BCR: variants seen among roughly 807,000 people sequenced by gnomAD.
BCR encodes breakpoint cluster region protein.
A neutral mutation model predicts 138.6 loss-of-function variants in BCR; 58 were observed. That is an observed-to-expected ratio of 0.42 (90% confidence interval 0.34 to 0.52). The LOEUF (loss-of-function observed/expected upper bound fraction) is 0.52, where lower values mean the gene tolerates loss of function less well. Among genes scored for constraint, BCR ranks in the 20% least tolerant of loss-of-function variants. The pLI is 0.06. For synonymous variants in BCR, 786 were observed against 730.1 expected, an observed-to-expected ratio of 1.08 and a Z score of -1.23; for missense variants, 1,599 against 1,727.2, an observed-to-expected ratio of 0.93 and a Z score of 1.32.
At chr22:23,246,765 G>A (rs1373192076) in intron 1 of BCR, among the ~76,000 whole-genome samples, 2 of 152,098 alleles carry the variant, frequency 1.3e-5, no homozygotes, top group Non-Finnish European at 2.9e-5. Context: ...AAGGGTGGTG[G>A]GTTTTTTTTG....
At chr22:23,315,371 C>T (rs2074058271) in intron 22 of BCR, 62 bp from the exon 23 acceptor site, 13 of 1,518,884 alleles carry the variant, frequency 8.6e-6, no homozygotes, top group Non-Finnish European at 1.2e-5. Flanking sequence ...CCAAAGACCT[C>T]CCACCAGCAG....
chr22:23,230,153 C>T (rs1270542603), intron 1 of BCR, among the ~76,000 whole-genome samples: 1 of 151,582 alleles, frequency 6.6e-6, no homozygotes, highest in African/African-American at 2.4e-5. Context: ...CCAGAAAAAT[C>T]ACTGCCAAGG....
At chr22:23,261,262 T>C in intron 3 of BCR, 93 bp from the exon 4 acceptor site, 2 of 1,387,932 alleles carry the variant, frequency 1.4e-6, no homozygotes, top group Non-Finnish European at 2.0e-6. Context: ...AAAGTGCATA[T>C]GTCAGGTAAC....
chr22:23,271,452 A>G, intron 5 of BCR, 80 bp from the exon 6 acceptor site: 1 of 1,444,872 alleles, frequency 6.9e-7, no homozygotes, highest in Non-Finnish European at 9.7e-7. Flanking sequence ...GAAAGCTGAA[A>G]TTGTTGCCAA....
At chr22:23,287,771 A>G (rs2073734268) in intron 11 of BCR, among the ~76,000 whole-genome samples, 1 of 152,214 alleles carries the variant, frequency 6.6e-6, no homozygotes, top group African/African-American at 2.4e-5. Context: ...TGTGAATTGA[A>G]TGCAGGAGGT....
intron 14 of BCR, chr22:23,290,850 G>C (rs1215226799): frequency 4.6e-6 from 1 of 215,228 alleles, no homozygotes; most frequent in Non-Finnish European, 9.5e-6. Context: ...TCTAAGTGGG[G>C]GTCTCCCCCA....
intron 1 of BCR, among the ~76,000 whole-genome samples, chr22:23,252,938 C>G (rs1035754138): frequency 2.0e-5 from 3 of 152,222 alleles, no homozygotes; most frequent in African/African-American, 7.2e-5. Context: ...TCAGATCCCA[C>G]TGTTAAGGGC....
At chr22:23,196,999 GC>G (rs2072492169) in intron 1 of BCR, among the ~76,000 whole-genome samples, 1 of 152,180 alleles carries the variant, frequency 6.6e-6, no homozygotes, top group Non-Finnish European at 1.5e-5. Context: ...GCCATAGCTA[GC>G]TTTTGCATAT....
Position 23,314,700 on chromosome 22 carries a change from G to C in BCR, c.3712G>C (p.Glu1238Gln), listed in dbSNP as rs908062097. 1.2e-6 allele frequency: 2 copies of C among 1,611,806 alleles called. No homozygotes were observed. The highest frequency in any genetic ancestry group is 1.7e-6 in the Non-Finnish European group (2 of 1,179,844). Residue 1238 changes from glutamate (E) to glutamine (Q), a missense_variant, in exon 22 of 23, where the codon GAG becomes CAG. Glu to Gln is a conservative substitution (Grantham distance 29, BLOSUM62 2). This residue lies in a region of BCR where 177 missense variants were observed against 226.4 expected (regional missense o/e 0.78). Transcript: ENST00000305877. Reference protein sequence around the residue: ...PITMTDSWSLEVMSQVQVLLY... With the variant: ...PITMTDSWSLQVMSQVQVLLY... The stretch of plus-strand genomic sequence containing the variant: ...CACCATGACTGACAGCTGGTCCTTG[G>C]AGGTCATGTCCCAGGTATGGGAAGA...
chr22:23,234,415 G>C (rs965704130), intron 1 of BCR, among the ~76,000 whole-genome samples: 6 of 152,218 alleles, frequency 3.9e-5, no homozygotes, highest in Admixed American at 3.9e-4. Context: ...TCAGTGGCCT[G>C]AGGAGGGACC....
At chr22:23,267,839 T>C (rs938515188) in intron 4 of BCR, among the ~76,000 whole-genome samples, 2 of 152,150 alleles carry the variant, frequency 1.3e-5, no homozygotes, top group African/African-American at 4.8e-5. Context: ...AGCCGGTCGG[T>C]CTCCCCCCAC....
intron 1 of BCR, among the ~76,000 whole-genome samples, chr22:23,193,509 A>G (rs538971403): frequency 6.6e-6 from 1 of 152,334 alleles, no homozygotes; most frequent in South Asian, 2.1e-4. Context: ...TGCATAATTT[A>G]GTATGGACAT....
At chr22:23,306,094 G>A (rs2073952353) in intron 16 of BCR, 1 of 152,234 alleles carries the variant, frequency 6.6e-6, no homozygotes, top group African/African-American at 2.4e-5. Flanking sequence ...TCTGTTCTTT[G>A]GAACAGAGCC....
chr22:23,283,493 G>T, intron 8 of BCR: 1 of 158,822 alleles, frequency 6.3e-6, no homozygotes, highest in Non-Finnish European at 1.4e-5. Context: ...CCCCACCACA[G>T]GGGCCTGTGC....
chr22:23,182,086 C>G lies in BCR; in HGVS notation c.1126C>G (p.Gln376Glu). The G allele has an allele frequency of 6.2e-7, 1 of 1,613,314 alleles. No homozygotes were observed. The highest frequency in any genetic ancestry group is 1.1e-5 in the South Asian group (1 of 91,084). ...KSRSPSQNSQ[Q>E]SFDSSSPPTP... ...CCGCTCTCCCTCGCAGAACTCGCAA[C>G]AGTCCTTCGACAGCAGCAGTCCCCC... Residue 376 changes from glutamine to glutamate, a missense_variant, in exon 1 of 23, where the codon CAG becomes GAG. Gln to Glu is a conservative substitution (Grantham distance 29). Coordinates refer to ENST00000305877, the MANE Select transcript of BCR (RefSeq NM_004327.4).
At chr22:23,183,596 A>G (rs1037632619) in intron 1 of BCR, among the ~76,000 whole-genome samples, 4 of 152,260 alleles carry the variant, frequency 2.6e-5, no homozygotes, top group African/African-American at 4.8e-5. Context: ...CTTTGCAGGC[A>G]CATCAGCTCG....
chr22:23,186,978 C>T (rs2072351313), intron 1 of BCR, among the ~76,000 whole-genome samples: 1 of 152,198 alleles, frequency 6.6e-6, no homozygotes, highest in Admixed American at 6.5e-5. Context: ...TCAAGTGATC[C>T]ACCCGTCTTG....
At chr22:23,215,084 C>T (rs1263755229) in intron 1 of BCR, among the ~76,000 whole-genome samples, 1 of 152,214 alleles carries the variant, frequency 6.6e-6, no homozygotes, top group African/African-American at 2.4e-5. Context: ...AGTCCTACAG[C>T]GTTTGTCCAT....
chr22:23,268,699 A>T (rs2073474594), intron 5 of BCR, among the ~76,000 whole-genome samples, 184 bp downstream of exon 5: 1 of 152,210 alleles, frequency 6.6e-6, no homozygotes, highest in South Asian at 2.1e-4. Context: ...CCGAAGGAGC[A>T]GCCCACAGGG....
Sources: allele counts gnomAD v4.1 joint callset (sites outside exome capture counted in the v4.1 genomes callset), GRCh38; gene constraint gnomAD v4.1.1; regional missense constraint gnomAD v4.1.1; transcripts MANE v1.5; gene names NCBI Gene and HGNC (gene_info 2026-07-23, HGNC 2026-07-21).